The following MAGI2 variants were observed in gnomAD, a reference collection of about 807,000 sequenced individuals.
MAGI2 encodes membrane-associated guanylate kinase, WW and PDZ domain-containing protein 2.
MAGI2 carries 35 observed loss-of-function variants against 133.3 expected under a neutral mutation model. The ratio of observed to expected loss-of-function variants is 0.26; its 90% CI spans 0.20 to 0.35. The LOEUF (loss-of-function observed/expected upper bound fraction) is 0.35. Among genes scored for constraint, MAGI2 ranks in the 10% least tolerant of loss-of-function variants. The pLI is 1.00. For missense variants in MAGI2, 1,636 were observed against 1,863.4 expected (o/e 0.88, Z 2.25); for synonymous variants, 729 against 710.6 (o/e 1.03, Z -0.41).
At chr7:78,562,741 G>A (rs147371294) in intron 3 of MAGI2, among the ~76,000 whole-genome samples, 1 of 152,240 alleles carries the variant, frequency 6.6e-6, no homozygotes, top group East Asian at 1.9e-4. Flanking sequence ...GGCAATAATT[G>A]GATGTGTGCT....
chr7:79,150,383 C>T (rs1185557888), intron 1 of MAGI2, among the ~76,000 whole-genome samples: 1 of 152,072 alleles, frequency 6.6e-6, no homozygotes, highest in East Asian at 1.9e-4. Context: ...GGTGGTAACA[C>T]CAATAAATAT....
intron 2 of MAGI2, among the ~76,000 whole-genome samples, chr7:78,786,843 G>T (rs1826859813): frequency 6.6e-6 from 1 of 152,186 alleles, no homozygotes; most frequent in Non-Finnish European, 1.5e-5. Flanking sequence ...ATGAGGCAGA[G>T]ATTTGAGTTG....
intron 7 of MAGI2, among the ~76,000 whole-genome samples, chr7:78,354,410 G>T (rs1445643021): frequency 6.6e-6 from 1 of 152,144 alleles, no homozygotes; most frequent in Non-Finnish European, 1.5e-5. Flanking sequence ...GAGAGTCAGA[G>T]AATTACCAAG....
At chr7:78,032,010 T>TTTTA (rs1491197604) in intron 21 of MAGI2, among the ~76,000 whole-genome samples, 4 of 3,788 alleles carry the variant, frequency 1.1e-3, no homozygotes, top group Non-Finnish European at 3.7e-3. Context: ...GCCCCCCCAC[T>TTTTA]TTTTTTTTTT....
chr7:79,271,666 ATTTTT>A (rs71518912), intron 1 of MAGI2, among the ~76,000 whole-genome samples: 1 of 141,812 alleles, frequency 7.1e-6, no homozygotes, highest in Non-Finnish European at 1.5e-5. Context: ...GGTGTGAGTG[ATTTTT>A]TTTTTTTTTT....
intron 2 of MAGI2, among the ~76,000 whole-genome samples, chr7:78,751,090 C>T (rs1585288075): frequency 6.6e-6 from 1 of 152,136 alleles, no homozygotes; most frequent in Non-Finnish European, 1.5e-5. Context: ...TTCTAGAGGT[C>T]TTGATTCCCA....
At chr7:79,111,088 C>A (rs1352224960) in intron 1 of MAGI2, among the ~76,000 whole-genome samples, 1 of 152,092 alleles carries the variant, frequency 6.6e-6, no homozygotes, top group Non-Finnish European at 1.5e-5. Flanking sequence ...TAATACATGA[C>A]CTAATTGTCA....
chr7:79,107,420 CT>C (rs1469015374), intron 1 of MAGI2, among the ~76,000 whole-genome samples: 1 of 152,182 alleles, frequency 6.6e-6, no homozygotes, highest in African/African-American at 2.4e-5. Flanking sequence ...GGATTCTCCC[CT>C]AGAAGCCCCA....
chr7:78,505,840 T>C (rs982920522), intron 4 of MAGI2, among the ~76,000 whole-genome samples: 1 of 152,126 alleles, frequency 6.6e-6, no homozygotes, highest in African/African-American at 2.4e-5. Context: ...AAAACCTCTT[T>C]TTCAATGTGC....
chr7:79,099,447 T>C (rs1279644399), intron 1 of MAGI2, among the ~76,000 whole-genome samples: 4 of 152,212 alleles, frequency 2.6e-5, no homozygotes, highest in African/African-American at 9.6e-5. Flanking sequence ...TTTCAAATTT[T>C]ATTGTTATTA....
At chr7:78,694,593 T>A (rs1288376911) in intron 2 of MAGI2, among the ~76,000 whole-genome samples, 6 of 152,154 alleles carry the variant, frequency 3.9e-5, no homozygotes, top group African/African-American at 1.4e-4. Flanking sequence ...TTAAAGAGTT[T>A]CATCTCCTAA....
At chr7:78,027,787 A>G (rs1809103092) in intron 21 of MAGI2, among the ~76,000 whole-genome samples, 2 of 152,214 alleles carry the variant, frequency 1.3e-5, no homozygotes, top group South Asian at 2.1e-4. Flanking sequence ...AATATATTAG[A>G]TACTGGAGAC....
chr7:78,239,866 AAGAT>A (rs1315231378), intron 10 of MAGI2, among the ~76,000 whole-genome samples: 3 of 152,382 alleles, frequency 2.0e-5, no homozygotes, highest in Non-Finnish European at 2.9e-5. Flanking sequence ...CAAAATATCA[AAGAT>A]AGATCTATAT....
chr7:78,493,277 C>T (rs772167781), intron 5 of MAGI2, among the ~76,000 whole-genome samples: 1 of 152,160 alleles, frequency 6.6e-6, no homozygotes, highest in Non-Finnish European at 1.5e-5. Flanking sequence ...CTGACAGAAG[C>T]AGCAGGTTAA....
chr7:78,605,329 G>A (rs993418838), intron 3 of MAGI2, among the ~76,000 whole-genome samples: 11 of 152,212 alleles, frequency 7.2e-5, no homozygotes, highest in African/African-American at 2.7e-4. Flanking sequence ...GAGTGACTCA[G>A]CATTCTAATT....
intron 1 of MAGI2, among the ~76,000 whole-genome samples, chr7:79,332,719 C>T (rs939755398): frequency 1.3e-5 from 2 of 152,138 alleles, no homozygotes; most frequent in Non-Finnish European, 2.9e-5. Flanking sequence ...TAATTCTAAG[C>T]ATTTTATTTA....
intron 14 of MAGI2, among the ~76,000 whole-genome samples, chr7:78,175,364 A>G (rs1826490268): frequency 6.6e-6 from 1 of 151,968 alleles, no homozygotes; most frequent in Non-Finnish European, 1.5e-5. Context: ...AGGGTAGAAA[A>G]CCCACAGTAG....
At chr7:79,265,272 A>G (rs557023589) in intron 1 of MAGI2, among the ~76,000 whole-genome samples, 2 of 152,148 alleles carry the variant, frequency 1.3e-5, no homozygotes, top group Non-Finnish European at 2.9e-5. Context: ...TGAGTCCAAC[A>G]ATCAGTTTTA....
At chr7:78,371,985 G>A (rs1228238780) in intron 6 of MAGI2, among the ~76,000 whole-genome samples, 3 of 151,974 alleles carry the variant, frequency 2.0e-5, no homozygotes, top group Non-Finnish European at 4.4e-5. Context: ...AACCTTACAG[G>A]AAACCAATAG....
Sources: gnomAD v4.1 joint callset for allele counts (sites outside exome capture counted in the v4.1 genomes callset) on GRCh38, gnomAD v4.1.1 for gene constraint, MANE v1.5 for transcripts, NCBI Gene and HGNC (gene_info 2026-07-23, HGNC 2026-07-21) for gene names.